The following CTNNA3 variants were observed in gnomAD, a reference collection of about 807,000 sequenced individuals.
CTNNA3 encodes the protein catenin alpha 3, also known as catenin alpha-3.
In CTNNA3, 76 loss-of-function variants were observed where a neutral mutation model predicts 95.7. That is an observed-to-expected ratio of 0.79 (90% CI 0.66 to 0.96). The LOEUF (loss-of-function observed/expected upper bound fraction) is 0.96, where lower values mean the gene tolerates loss of function less well. Ranked by LOEUF, CTNNA3 falls within the 40% of genes least tolerant of loss-of-function variation. The pLI is 0.00. For synonymous variants in CTNNA3, 431 were observed against 374.4 expected, an observed-to-expected ratio of 1.15 and a Z score of -1.74; for missense variants, 1,191 against 1,089.8, an observed-to-expected ratio of 1.09 and a Z score of -1.31.
chr10:67,620,679 T>C (rs1475656456), intron 2 of CTNNA3, among the ~76,000 whole-genome samples: 1 of 152,080 alleles, frequency 6.6e-6, no homozygotes, highest in East Asian at 1.9e-4. Context: ...TTATTTCCAT[T>C]ATACGATGCA....
intron 7 of CTNNA3, among the ~76,000 whole-genome samples, chr10:67,143,865 C>G (rs1365421262): frequency 6.6e-6 from 1 of 152,164 alleles, no homozygotes; most frequent in African/African-American, 2.4e-5. Flanking sequence ...ATTTTGACCT[C>G]CTTCCATGAA....
chr10:66,002,470 T>A (rs899906227), intron 15 of CTNNA3, among the ~76,000 whole-genome samples: 2 of 152,176 alleles, frequency 1.3e-5, no homozygotes, highest in African/African-American at 4.8e-5. Context: ...TATATATTAG[T>A]CTCCTTTCTA....
chr10:65,943,938 T>C (rs1042205329), intron 17 of CTNNA3, among the ~76,000 whole-genome samples: 1 of 152,232 alleles, frequency 6.6e-6, no homozygotes, highest in Non-Finnish European at 1.5e-5. Context: ...ATTCTTATAT[T>C]ATTATATTTA....
At chr10:66,027,977 A>T (rs2079374538) in intron 15 of CTNNA3, among the ~76,000 whole-genome samples, 1 of 152,220 alleles carries the variant, frequency 6.6e-6, no homozygotes, top group Admixed American at 6.5e-5. Flanking sequence ...GGACAGATTC[A>T]TCCTACTCAT....
At chr10:66,342,616 TC>T (rs1466177629) in intron 12 of CTNNA3, among the ~76,000 whole-genome samples, 3 of 152,098 alleles carry the variant, frequency 2.0e-5, no homozygotes, top group Non-Finnish European at 4.4e-5. Flanking sequence ...GGAGAGCTTC[TC>T]TTATATAACA....
chr10:66,657,819 A>G (rs1589082279), intron 9 of CTNNA3, among the ~76,000 whole-genome samples: 1 of 152,308 alleles, frequency 6.6e-6, no homozygotes, highest in South Asian at 2.1e-4. Flanking sequence ...GCTTCAAATT[A>G]TTACAAAGCT....
chr10:67,484,995 C>G (rs993876014), intron 5 of CTNNA3, among the ~76,000 whole-genome samples: 4 of 152,144 alleles, frequency 2.6e-5, no homozygotes, highest in African/African-American at 9.7e-5. Flanking sequence ...ATAAATCATT[C>G]TACCAAAAAG....
chr10:66,961,944 C>T (rs1183358516), intron 7 of CTNNA3, among the ~76,000 whole-genome samples: 1 of 152,130 alleles, frequency 6.6e-6, no homozygotes, highest in Non-Finnish European at 1.5e-5. Context: ...CCACTTCCAA[C>T]TCATCACTAA....
intron 7 of CTNNA3, among the ~76,000 whole-genome samples, chr10:66,997,755 A>G (rs1851436622): frequency 6.6e-6 from 1 of 152,166 alleles, no homozygotes. Context: ...ATTGTTCCCC[A>G]GGCAGAGGAA....
chr10:66,045,598 G>A (rs2079813260), intron 15 of CTNNA3, among the ~76,000 whole-genome samples: 1 of 151,986 alleles, frequency 6.6e-6, no homozygotes, highest in Admixed American at 6.5e-5. Flanking sequence ...GCTTAAAAGT[G>A]GAATAAAAAA....
At chr10:66,750,817 C>T (rs1472269004) in intron 9 of CTNNA3, among the ~76,000 whole-genome samples, 1 of 152,126 alleles carries the variant, frequency 6.6e-6, no homozygotes, top group African/African-American at 2.4e-5. Context: ...ACATGTTTGA[C>T]AATACTGAGT....
intron 11 of CTNNA3, among the ~76,000 whole-genome samples, chr10:66,394,550 T>TAAAAAAAAAAAAAAAAA (rs71035137): frequency 7.8e-6 from 1 of 128,162 alleles, no homozygotes. Flanking sequence ...AGCACTGGGT[T>TAAAAAAAAAAAAAAAAA]AAAAAAAAAA....
chr10:66,456,959 T>C (rs2093498866), intron 11 of CTNNA3, among the ~76,000 whole-genome samples: 1 of 151,932 alleles, frequency 6.6e-6, no homozygotes, highest in South Asian at 2.1e-4. Context: ...CTGGGTGTGG[T>C]GGCATGCACT....
intron 9 of CTNNA3, among the ~76,000 whole-genome samples, chr10:66,622,432 G>C (rs1216780894): frequency 6.6e-6 from 1 of 152,052 alleles, no homozygotes; most frequent in Non-Finnish European, 1.5e-5. Flanking sequence ...CAAAATGAGT[G>C]CTGTTTTAAT....
intron 1 of CTNNA3, among the ~76,000 whole-genome samples, chr10:67,651,738 T>C (rs1839883676): frequency 6.6e-6 from 1 of 152,174 alleles, no homozygotes; most frequent in African/African-American, 2.4e-5. Context: ...AGAAACACCC[T>C]TTCTACACCT....
intron 15 of CTNNA3, among the ~76,000 whole-genome samples, chr10:65,989,828 T>C (rs1320863190): frequency 6.6e-6 from 1 of 152,134 alleles, no homozygotes; most frequent in East Asian, 1.9e-4. Context: ...TCTAACTGTA[T>C]GTTTGCTCCC....
chr10:65,928,412 T>C (rs553567913), intron 17 of CTNNA3, among the ~76,000 whole-genome samples: 2 of 152,292 alleles, frequency 1.3e-5, no homozygotes, highest in Admixed American at 1.3e-4. Context: ...TAAGACTAGA[T>C]TGGATCCTCT....
intron 7 of CTNNA3, among the ~76,000 whole-genome samples, chr10:66,819,760 A>G (rs963457541): frequency 6.6e-6 from 1 of 152,198 alleles, no homozygotes; most frequent in Non-Finnish European, 1.5e-5. Context: ...CATTAGAGAA[A>G]CACAAATGAA....
chr10:66,979,422 T>G (rs1850284339), intron 7 of CTNNA3, among the ~76,000 whole-genome samples: 1 of 152,172 alleles, frequency 6.6e-6, no homozygotes, highest in Admixed American at 6.5e-5. Flanking sequence ...TGTATATTTA[T>G]ATTAAAAGAA....
Sources: gnomAD v4.1 joint callset for allele counts (sites outside exome capture counted in the v4.1 genomes callset) on GRCh38, gnomAD v4.1.1 for gene constraint, MANE v1.5 for transcripts, NCBI Gene and HGNC (gene_info 2026-07-23, HGNC 2026-07-21) for gene names.